Variants in SGPP2 observed in about 807,000 individuals in gnomAD.
SGPP2 encodes the protein sphingosine 1-phosphate phosphohydrolase 2.
A neutral mutation model predicts 33.9 loss-of-function variants in SGPP2; 30 were observed. The ratio of observed to expected loss-of-function variants is 0.89; its 90% confidence interval spans 0.66 to 1.20. The LOEUF (loss-of-function observed/expected upper bound fraction) is 1.20. SGPP2 is among the 50% of genes most tolerant of loss of function. The pLI is 0.00. For missense variants in SGPP2, 458 were observed against 532.1 expected (o/e 0.86, Z 1.37); for synonymous variants, 233 against 225.0 (o/e 1.04, Z -0.32).
intron 1 of SGPP2, among the ~76,000 whole-genome samples, chr2:222,455,708 T>G (rs1234989676): frequency 6.6e-6 from 1 of 152,216 alleles, no homozygotes; most frequent in Non-Finnish European, 1.5e-5. Flanking sequence ...TTTGACTAAT[T>G]AGGCTTTATT....
At chr2:222,515,912 G>A (rs1169937445) in intron 2 of SGPP2, among the ~76,000 whole-genome samples, 3 of 152,062 alleles carry the variant, frequency 2.0e-5, no homozygotes, top group Non-Finnish European at 4.4e-5. Context: ...TCCAGGTGTG[G>A]TAGCGCGTGA....
intron 2 of SGPP2, among the ~76,000 whole-genome samples, chr2:222,484,683 A>G (rs1477449999): frequency 6.6e-6 from 1 of 152,132 alleles, no homozygotes; most frequent in Non-Finnish European, 1.5e-5. Flanking sequence ...GCAGAGGGTA[A>G]GGAACTCAGT....
intron 1 of SGPP2, among the ~76,000 whole-genome samples, chr2:222,426,057 G>C (rs965632528): frequency 3.3e-5 from 5 of 151,550 alleles, no homozygotes; most frequent in Middle Eastern, 3.2e-3. Flanking sequence ...GGCAGAGTAG[G>C]GGGGATAAGA....
At chr2:222,471,627 A>G (rs1654220404) in intron 1 of SGPP2, among the ~76,000 whole-genome samples, 1 of 152,164 alleles carries the variant, frequency 6.6e-6, no homozygotes, top group Admixed American at 6.5e-5. Context: ...ATGAATATTT[A>G]CAGGATAAAT....
intron 2 of SGPP2, among the ~76,000 whole-genome samples, chr2:222,491,736 C>G (rs2082985): frequency 0.032 from 4,929 of 152,232 alleles, 150 homozygotes; most frequent in African/African-American, 0.076. Flanking sequence ...AACACACAAT[C>G]TTGCCTTCCC....
intron 1 of SGPP2, among the ~76,000 whole-genome samples, chr2:222,431,506 C>A (rs113010036): frequency 2.6e-5 from 4 of 151,998 alleles, no homozygotes; most frequent in Non-Finnish European, 5.9e-5. Flanking sequence ...CCTTGCCCCC[C>A]GCCCCCCGCT....
chr2:222,459,142 CTTTTT>C (rs1164145783), intron 1 of SGPP2, among the ~76,000 whole-genome samples: 40 of 94,468 alleles, frequency 4.2e-4, no homozygotes, highest in African/African-American at 1.5e-3. Context: ...TTCTTTCTTT[CTTTTT>C]TTTTTTTTTT....
chr2:222,518,214 A>G (rs1423377984), intron 2 of SGPP2, among the ~76,000 whole-genome samples: 1 of 152,260 alleles, frequency 6.6e-6, no homozygotes, highest in Non-Finnish European at 1.5e-5. Flanking sequence ...ATGAGACATA[A>G]TATGCAGCCG....
intron 1 of SGPP2, among the ~76,000 whole-genome samples, chr2:222,440,340 G>T (rs1175644468): frequency 1.6e-5 from 1 of 61,304 alleles, no homozygotes; most frequent in Non-Finnish European, 3.5e-5. Flanking sequence ...GTGTGTTTTT[G>T]TTTTTGTTTT....
intron 2 of SGPP2, among the ~76,000 whole-genome samples, chr2:222,487,436 G>T (rs576313837): frequency 1.1e-4 from 16 of 152,270 alleles, no homozygotes; most frequent in Middle Eastern, 3.4e-3. Context: ...GAAATGTGAA[G>T]TTGAACAAAA....
chr2:222,557,867 A>G (rs1001609969), intron 4 of SGPP2, among the ~76,000 whole-genome samples: 11 of 152,224 alleles, frequency 7.2e-5, no homozygotes, highest in Admixed American at 2.6e-4. Context: ...ACCACCCCAA[A>G]GGAACATGTC....
In SGPP2 at chr2:222,424,658, G is replaced by A; in HGVS notation, c.56G>A (p.Arg19His). Residue 19 changes from arginine (R) to histidine (H), a missense_variant, in exon 1 of 5, where the codon CGC (arginine) becomes CAC (histidine). Arg to His is a conservative substitution (Grantham distance 29). Coordinates refer to ENST00000321276, the MANE Select transcript of SGPP2 (RefSeq NM_152386.4). Reference protein sequence around the residue: ...QDSQLVARFQRRCGLFPAPDE... With the variant: ...QDSQLVARFQHRCGLFPAPDE... ...TCCCAGCTCGTCGCCCGCTTCCAGCGCCGCTGCGGGCTCTTCCCCGCTCCG... is the reference window on the plus strand; with the variant it reads ...TCCCAGCTCGTCGCCCGCTTCCAGCACCGCTGCGGGCTCTTCCCCGCTCCG... 1 of 1,437,002 alleles carries A rather than the reference G, an allele frequency of 7.0e-7. No individual in the cohort carries two copies. The highest frequency in any genetic ancestry group is 9.1e-7 in the Non-Finnish European group (1 of 1,094,132). 89.0% of individuals were successfully genotyped at this position (1,437,002 alleles called of 1,614,324 possible). A position where few individuals can be genotyped will look rare whatever the true frequency, so the allele number is the denominator to read the frequency against.
chr2:222,521,035 T>C (rs966243005), intron 2 of SGPP2, among the ~76,000 whole-genome samples: 3 of 152,224 alleles, frequency 2.0e-5, no homozygotes, highest in Admixed American at 1.3e-4. Flanking sequence ...GTTGGGATTA[T>C]AGGCATTAGC....
intron 4 of SGPP2, among the ~76,000 whole-genome samples, chr2:222,555,425 G>A (rs1222696789): frequency 7.3e-6 from 1 of 137,908 alleles, no homozygotes; most frequent in Non-Finnish European, 1.6e-5. Context: ...TTTTCTGTTA[G>A]CTGCTCATTT....
At chr2:222,450,369 G>C (rs1432956194) in intron 1 of SGPP2, among the ~76,000 whole-genome samples, 1 of 152,172 alleles carries the variant, frequency 6.6e-6, no homozygotes, top group Non-Finnish European at 1.5e-5. Context: ...ATAGCCATTT[G>C]TGGAAATTTT....
intron 2 of SGPP2, among the ~76,000 whole-genome samples, chr2:222,506,889 A>G (rs541701068): frequency 5.2e-4 from 79 of 152,094 alleles, no homozygotes; most frequent in African/African-American, 1.8e-3. Flanking sequence ...ATATATATAT[A>G]TTAAAAAAAA....
chr2:222,438,972 A>G (rs1458322762), intron 1 of SGPP2, among the ~76,000 whole-genome samples: 1 of 152,202 alleles, frequency 6.6e-6, no homozygotes, highest in South Asian at 2.1e-4. Flanking sequence ...TGTGCCAATT[A>G]TGCTTTCTGG....
At chr2:222,516,372 T>C (rs1376689664) in intron 2 of SGPP2, among the ~76,000 whole-genome samples, 1 of 152,258 alleles carries the variant, frequency 6.6e-6, no homozygotes, top group African/African-American at 2.4e-5. Flanking sequence ...TCATTTTTGT[T>C]GCTGAGTAGT....
chr2:222,507,709 T>C (rs1405094471), intron 2 of SGPP2, among the ~76,000 whole-genome samples: 1 of 152,204 alleles, frequency 6.6e-6, no homozygotes, highest in Non-Finnish European at 1.5e-5. Context: ...CAGATCTCAG[T>C]TCTAATCCCC....
Sources: allele counts gnomAD v4.1 joint callset (sites outside exome capture counted in the v4.1 genomes callset), GRCh38; gene constraint gnomAD v4.1.1; transcripts MANE v1.5; gene names NCBI Gene and HGNC (gene_info 2026-07-23, HGNC 2026-07-21).